The following VAV1 variants were observed in gnomAD, a reference collection of about 807,000 sequenced individuals.
VAV1 encodes proto-oncogene vav.
VAV1 carries 33 observed loss-of-function variants against 128.1 expected under a neutral mutation model. That is an observed-to-expected ratio of 0.26 (90% CI 0.20 to 0.34). The LOEUF (loss-of-function observed/expected upper bound fraction) is 0.34, where lower values mean the gene tolerates loss of function less well. VAV1 is among the 10% of genes least tolerant of loss of function. The pLI is 1.00. For synonymous variants in VAV1, 394 were observed against 409.8 expected (o/e 0.96, Z 0.47); for missense variants, 715 against 1,093.7 (o/e 0.65, Z 4.88).
At chr19:6,843,675 TC>T (rs1302326876) in intron 22 of VAV1, among the ~76,000 whole-genome samples, 1 of 152,184 alleles carries the variant, frequency 6.6e-6, no homozygotes, top group Non-Finnish European at 1.5e-5. Context: ...AATGACAGTA[TC>T]TACTTCATAG....
Position 6,789,593 on chromosome 19 carries a change from C to CTTCCTTCCTTCCTTCCT in VAV1, c.204+16583_204+16584insTCCTTCCTTCCTTCCTT, listed in dbSNP as rs559220122. Among the ~76,000 whole-genome samples, 133 of 150,098 alleles carry CTTCCTTCCTTCCTTCCT rather than the reference C, an allele frequency of 8.9e-4. 1 individual carries two copies. The highest frequency in any genetic ancestry group is 3.1e-3 in the African/African-American group (124 of 40,442). ...TTCTGCTTTCTTTTCTTTTCTTTCC[C>CTTCCTTCCTTCCTTCCT]TCCTTCCTTCCTTCCTTCCTTTCTG... On this transcript the variant is annotated intron_variant, in intron 1 of 26. Coordinates refer to ENST00000602142, the MANE Select transcript of VAV1 (RefSeq NM_005428.4).
chr19:6,795,421 G>T (rs1971111589), intron 1 of VAV1, among the ~76,000 whole-genome samples: 2 of 152,028 alleles, frequency 1.3e-5, no homozygotes, highest in Admixed American at 1.3e-4. Context: ...GAAGACCAGA[G>T]GAGACAGTTG....
At chr19:6,836,124 T>C (rs905552040) in intron 19 of VAV1, 44 of 226,454 alleles carry the variant, frequency 1.9e-4, no homozygotes, top group Non-Finnish European at 7.2e-5. Context: ...TCTTCCTGCC[T>C]CGGCCTCCCA....
intron 21 of VAV1, among the ~76,000 whole-genome samples, chr19:6,841,788 T>C (rs991379752): frequency 1.3e-5 from 2 of 152,084 alleles, no homozygotes; most frequent in Non-Finnish European, 2.9e-5. Flanking sequence ...CTGTTTTTCA[T>C]AGTGCACCAT....
intron 26 of VAV1, among the ~76,000 whole-genome samples, chr19:6,855,343 G>A (rs1398346729): frequency 1.2e-4 from 18 of 152,256 alleles, no homozygotes; most frequent in Admixed American, 1.2e-3. Flanking sequence ...AGAGGCTTTT[G>A]GAGCATTGAG....
At chr19:6,854,676 C>G (rs1972752188) in intron 26 of VAV1, among the ~76,000 whole-genome samples, 1 of 152,024 alleles carries the variant, frequency 6.6e-6, no homozygotes, top group Non-Finnish European at 1.5e-5. Flanking sequence ...GATTGTGCCA[C>G]TGCAGCCTGG....
chr19:6,833,478 C>A, intron 16 of VAV1, 50 bp from the exon 17 acceptor site: 1 of 1,523,460 alleles, frequency 6.6e-7, no homozygotes, highest in Non-Finnish European at 8.9e-7. Context: ...AATATTTGGC[C>A]CTGTCTGTAA....
intron 26 of VAV1, 114 bp downstream of exon 26, chr19:6,854,212 C>G: frequency 7.3e-7 from 1 of 1,369,890 alleles, no homozygotes; most frequent in Non-Finnish European, 9.9e-7. Context: ...AGATCTCTCA[C>G]GGTGGGAGGG....
intron 1 of VAV1, among the ~76,000 whole-genome samples, chr19:6,785,166 C>T (rs946907952): frequency 1.3e-5 from 2 of 151,766 alleles, no homozygotes; most frequent in Non-Finnish European, 2.9e-5. Flanking sequence ...GTTTCTCTTT[C>T]TCTCTCTCTC....
rs1261318063 is a variant in VAV1 at position 6,787,572 on chromosome 19, A to C, written c.204+14561A>C. Among the ~76,000 whole-genome samples, 3 of 138,744 alleles carry C rather than the reference A, an allele frequency of 2.2e-5. No homozygotes were observed. In the East Asian group the frequency reaches 6.5e-4, roughly 30 times the overall value. The allele number at this position is 138,744 out of a possible 152,430, so 91.0% of individuals were successfully genotyped here. ...GCAGATGAGGGTGACCAACTACTCC[A>C]GATTTATTTATTTATTTATTTATTT... On this transcript the variant is annotated intron_variant, in intron 1 of 26. Coordinates refer to ENST00000602142, the MANE Select transcript of VAV1 (RefSeq NM_005428.4).
rs62126664 is a variant in VAV1 at position 6,817,717 on chromosome 19, C to T, written c.205-2985C>T. ...ATATTTATTTTCTGAGATGGGGTCT[C>T]GCTCTGTTGCCCAGGCTGGAGTGCA... is the stretch of plus-strand genomic sequence containing the variant. On this transcript the variant is annotated intron_variant, in intron 1 of 26. Transcript: ENST00000602142. Among the ~76,000 whole-genome samples, 369 of 151,452 alleles carry T rather than the reference C, an allele frequency of 2.4e-3. 1 individual carries two copies. Among genetic ancestry groups the T allele is most frequent in the African/African-American group, 5.5e-3 (226 of 40,906 alleles).
chr19:6,773,419 G>A (rs998718547), intron 1 of VAV1, among the ~76,000 whole-genome samples: 1 of 152,164 alleles, frequency 6.6e-6, no homozygotes, highest in Admixed American at 6.5e-5. Flanking sequence ...GTCTGGATGT[G>A]GGGGAGGAGC....
At chr19:6,800,857 C>T (rs576984294) in intron 1 of VAV1, among the ~76,000 whole-genome samples, 1 of 151,854 alleles carries the variant, frequency 6.6e-6, no homozygotes, top group East Asian at 1.9e-4. Context: ...GAACCCCTGA[C>T]CTCAAGTGAT....
At chr19:6,827,490 G>A (rs1440382261) in intron 9 of VAV1, among the ~76,000 whole-genome samples, 2 of 152,048 alleles carry the variant, frequency 1.3e-5, no homozygotes, top group African/African-American at 4.8e-5. Flanking sequence ...ATCCAGGGTG[G>A]TCTCAAACTC....
intron 1 of VAV1, among the ~76,000 whole-genome samples, chr19:6,818,364 A>G (rs756158157): frequency 6.6e-5 from 10 of 152,206 alleles, no homozygotes; most frequent in Admixed American, 3.9e-4. Context: ...AAACAGCAGA[A>G]ATTTATCTTC....
At chr19:6,816,145 G>A (rs1198760932) in intron 1 of VAV1, among the ~76,000 whole-genome samples, 1 of 150,148 alleles carries the variant, frequency 6.7e-6, no homozygotes, top group African/African-American at 2.5e-5. Flanking sequence ...TCAGCCTCCC[G>A]AGTAGCTGGG....
intron 14 of VAV1, 59 bp from the exon 15 acceptor site, chr19:6,832,030 GGT>G (rs1184891814): frequency 6.8e-7 from 1 of 1,466,620 alleles, no homozygotes; most frequent in African/African-American, 1.4e-5. Flanking sequence ...GGGGTGGGTG[GGT>G]GTGTGCTCCC....
At chr19:6,830,765 C>T (rs1320705364) in intron 14 of VAV1, among the ~76,000 whole-genome samples, 1 of 151,938 alleles carries the variant, frequency 6.6e-6, no homozygotes, top group East Asian at 1.9e-4. Flanking sequence ...ATGGTACTTG[C>T]GTTCTTATGG....
Position 6,820,665 on chromosome 19 carries a change from C to A in VAV1, c.205-37C>A. ...GGGGTCAGTTTCTCCCCTGCCCTTTCGTACTGCCCCACCCTCATTTCTCTG... is the reference window on the plus strand; with the variant it reads ...GGGGTCAGTTTCTCCCCTGCCCTTTAGTACTGCCCCACCCTCATTTCTCTG... On this transcript the variant is annotated intron_variant, in intron 1 of 26. Transcript: ENST00000602142. The surrounding 1 kb of genome is among the most constrained non-coding windows in gnomAD (Gnocchi z 4.4). 2 of 1,593,894 alleles carry A rather than the reference C, an allele frequency of 1.3e-6. No individual in the cohort carries two copies. The highest frequency in any genetic ancestry group is 1.7e-6 in the Non-Finnish European group (2 of 1,161,958).
Sources: allele counts gnomAD v4.1 joint callset (sites outside exome capture counted in the v4.1 genomes callset), GRCh38; gene constraint gnomAD v4.1.1; non-coding constraint Gnocchi (gnomAD v3.1); transcripts MANE v1.5; gene names NCBI Gene and HGNC (gene_info 2026-07-23, HGNC 2026-07-21).